Variants in MCTP1 observed in about 807,000 individuals in gnomAD.
MCTP1 encodes the protein multiple C2 and transmembrane domain-containing protein 1.
A neutral mutation model predicts 120.6 loss-of-function variants in MCTP1; 69 were observed. That is an observed-to-expected ratio of 0.57 (90% CI 0.47 to 0.70). MCTP1 has a LOEUF of 0.70. Ranked by LOEUF, MCTP1 falls within the 30% of genes least tolerant of loss-of-function variation. MCTP1 has a pLI of 0.00. For missense variants in MCTP1, 1,203 were observed against 1,248.8 expected (o/e 0.96, Z 0.55); for synonymous variants, 529 against 493.1 (o/e 1.07, Z -0.96).
chr5:94,987,582 C>T (rs1158617276), intron 2 of MCTP1, among the ~76,000 whole-genome samples: 3 of 151,978 alleles, frequency 2.0e-5, no homozygotes, highest in Non-Finnish European at 4.4e-5. Flanking sequence ...CTTCAGTTGG[C>T]ACAAGAAAAA....
intron 3 of MCTP1, among the ~76,000 whole-genome samples, chr5:94,946,194 T>A (rs1818873071): frequency 6.6e-6 from 1 of 152,186 alleles, no homozygotes; most frequent in Non-Finnish European, 1.5e-5. Context: ...CATTACTGCC[T>A]CAATAGCTGC....
chr5:95,175,512 C>A (rs1747860422), intron 1 of MCTP1, among the ~76,000 whole-genome samples: 1 of 152,128 alleles, frequency 6.6e-6, no homozygotes, highest in South Asian at 2.1e-4. Flanking sequence ...ACATTTGGGG[C>A]ACATGGAAGG....
chr5:95,091,339 T>C (rs79960248), intron 1 of MCTP1, among the ~76,000 whole-genome samples: 2,052 of 152,314 alleles, frequency 0.013, 49 homozygotes, highest in African/African-American at 0.048. Flanking sequence ...AATTACCCTT[T>C]GTGGCAATTT....
Position 95,160,120 on chromosome 5 carries a change from G to T in MCTP1, c.720+123736C>A, listed in dbSNP as rs182843043. On this transcript the variant is annotated intron_variant, in intron 1 of 22. Transcript: ENST00000515393. ...ACGGCAGAAATTTTGATGCCCTCTT[G>T]TGAGCCATAGAATGTTACTGAAGTT... is the stretch of plus-strand genomic sequence containing the variant. 1.2e-4 allele frequency among the ~76,000 whole-genome samples: 19 copies of T among 152,308 alleles called. No individual in the cohort carries two copies. In the East Asian group the frequency reaches 3.1e-3, roughly 25 times the overall value.
intron 6 of MCTP1, among the ~76,000 whole-genome samples, chr5:94,929,196 C>T (rs1331558390): frequency 6.6e-6 from 1 of 151,738 alleles, no homozygotes; most frequent in African/African-American, 2.4e-5. Context: ...CTGAAAGAAA[C>T]CAAGTAAAGG....
chr5:95,081,149 C>CA (rs758755494), intron 1 of MCTP1, among the ~76,000 whole-genome samples: 40 of 151,316 alleles, frequency 2.6e-4, no homozygotes, highest in Non-Finnish European at 4.4e-4. Context: ...CAAAACAAAA[C>CA]AAAAAAAACA....
chr5:94,868,702 G>GA (rs900671936), intron 16 of MCTP1, among the ~76,000 whole-genome samples: 1 of 150,838 alleles, frequency 6.6e-6, no homozygotes. Flanking sequence ...TTGCTCACAA[G>GA]AAAAAAAAAT....
intron 17 of MCTP1, among the ~76,000 whole-genome samples, chr5:94,817,830 C>T (rs1464738758): frequency 6.6e-6 from 1 of 152,150 alleles, no homozygotes; most frequent in Admixed American, 6.5e-5. Flanking sequence ...TCATCTCTTA[C>T]GATTGGGCTC....
chr5:95,109,209 TA>T (rs1330350737), intron 1 of MCTP1, among the ~76,000 whole-genome samples: 2 of 152,118 alleles, frequency 1.3e-5, no homozygotes, highest in Non-Finnish European at 2.9e-5. Flanking sequence ...ATTTTCCCCT[TA>T]CACCAGAAAA....
At position 94,894,836 on chromosome 5, in the gene MCTP1, C is replaced by T; in HGVS notation, c.1653-1G>A. The T allele has an allele frequency of 6.5e-7, 1 of 1,534,898 alleles. No homozygotes were observed. Among genetic ancestry groups the T allele is most frequent in the South Asian group, 1.2e-5 (1 of 80,690 alleles). On this transcript the variant is annotated splice_acceptor_variant, in intron 10 of 22. Transcript: ENST00000515393. LOFTEE classifies it high-confidence loss of function. Reference sequence around the variant, plus strand: ...GAGGGCTGACAGGTCGACCTGGCACCTAGAGACAAATGTTTTGAATCAGCA... The same window carrying T: ...GAGGGCTGACAGGTCGACCTGGCACTTAGAGACAAATGTTTTGAATCAGCA...
At chr5:95,265,048 C>A (rs1582694399) in intron 1 of MCTP1, among the ~76,000 whole-genome samples, 1 of 152,130 alleles carries the variant, frequency 6.6e-6, no homozygotes, top group Admixed American at 6.5e-5. Flanking sequence ...AACAGCCCGT[C>A]CCTGGTGCCT....
chr5:95,158,369 G>A (rs913468575), intron 1 of MCTP1, among the ~76,000 whole-genome samples: 1 of 152,098 alleles, frequency 6.6e-6, no homozygotes, highest in Admixed American at 6.5e-5. Flanking sequence ...ACAATCCTCT[G>A]GGTACAAATT....
At chr5:94,894,013 C>A (rs1803303757) in intron 11 of MCTP1, among the ~76,000 whole-genome samples, 1 of 152,126 alleles carries the variant, frequency 6.6e-6, no homozygotes, top group Non-Finnish European at 1.5e-5. Flanking sequence ...CGGGAGGATG[C>A]TGGGAAATAG....
chr5:94,962,394 C>A (rs908571021), intron 2 of MCTP1, among the ~76,000 whole-genome samples: 3 of 151,176 alleles, frequency 2.0e-5, no homozygotes, highest in African/African-American at 7.3e-5. Context: ...GGAACCAATC[C>A]AAATGGCCAT....
At chr5:95,097,624 A>C (rs1320018421) in intron 1 of MCTP1, among the ~76,000 whole-genome samples, 2 of 152,196 alleles carry the variant, frequency 1.3e-5, no homozygotes, top group African/African-American at 4.8e-5. Context: ...GAAGTTTCTC[A>C]TCTCTTTTAG....
intron 1 of MCTP1, among the ~76,000 whole-genome samples, chr5:95,276,820 C>T (rs1178811): frequency 6.6e-6 from 1 of 151,526 alleles, no homozygotes; most frequent in Admixed American, 6.6e-5. Context: ...GGCATGGTGG[C>T]GGGCGCCTGC....
chr5:94,860,497 C>T (rs1158817940), intron 17 of MCTP1, among the ~76,000 whole-genome samples: 5 of 151,674 alleles, frequency 3.3e-5, no homozygotes, highest in African/African-American at 1.2e-4. Context: ...GCCAAACAAA[C>T]ACCTGTCCTT....
At chr5:95,108,912 C>A (rs549911417) in intron 1 of MCTP1, among the ~76,000 whole-genome samples, 6 of 152,096 alleles carry the variant, frequency 3.9e-5, no homozygotes, top group African/African-American at 1.4e-4. Context: ...TACTATATAC[C>A]AGATGTTATA....
chr5:94,797,214 T>C (rs1057473957), intron 18 of MCTP1, among the ~76,000 whole-genome samples: 3 of 152,106 alleles, frequency 2.0e-5, no homozygotes, highest in African/African-American at 7.2e-5. Context: ...CTGGAGAAGA[T>C]AACAAGCAAA....
Sources: allele counts gnomAD v4.1 joint callset (sites outside exome capture counted in the v4.1 genomes callset), GRCh38; gene constraint gnomAD v4.1.1; transcripts MANE v1.5; gene names NCBI Gene and HGNC (gene_info 2026-07-23, HGNC 2026-07-21).